NEGR1: variants seen among roughly 807,000 people sequenced by gnomAD.
NEGR1 encodes IgLON family member 4.
In NEGR1, 10 loss-of-function variants were observed where a neutral mutation model predicts 40.9. That is an observed-to-expected ratio of 0.24 (90% CI 0.15 to 0.42). NEGR1 has a LOEUF of 0.42. Among genes scored for constraint, NEGR1 ranks in the 10% least tolerant of loss-of-function variants. The pLI is 1.00. For missense variants in NEGR1, 352 were observed against 438.9 expected (o/e 0.80, Z 1.77); for synonymous variants, 185 against 166.8 (o/e 1.11, Z -0.84).
At chr1:71,825,928 C>G (rs1272455142) in intron 2 of NEGR1, among the ~76,000 whole-genome samples, 1 of 151,834 alleles carries the variant, frequency 6.6e-6, no homozygotes, top group Non-Finnish European at 1.5e-5. Context: ...AGATTGTCTC[C>G]CAAAACACCT....
chr1:72,143,920 T>C (rs945996224), intron 1 of NEGR1, among the ~76,000 whole-genome samples: 1,360 of 105,198 alleles, frequency 0.013, 37 homozygotes, highest in African/African-American at 0.064. Context: ...ATATAATATA[T>C]ATATATATAT....
chr1:71,579,279 GAATT>G (rs1649054000), intron 6 of NEGR1, among the ~76,000 whole-genome samples: 1 of 151,988 alleles, frequency 6.6e-6, no homozygotes, highest in Non-Finnish European at 1.5e-5. Context: ...TCACCCCTAA[GAATT>G]AATTACATTT....
At chr1:71,708,222 A>G (rs1019799821) in intron 3 of NEGR1, among the ~76,000 whole-genome samples, 17 of 152,134 alleles carry the variant, frequency 1.1e-4, no homozygotes, top group Non-Finnish European at 2.2e-4. Context: ...CAGAGGATTC[A>G]ACATAGCTAT....
rs530131972 is a variant in NEGR1 at position 71,828,399 on chromosome 1, G to A, written c.410-52102C>T. 4.6e-5 allele frequency among the ~76,000 whole-genome samples: 7 copies of A among 152,050 alleles called. No individual in the cohort carries two copies. The East Asian group carries it at 1.4e-3, about 30-fold the overall frequency. On this transcript the variant is annotated intron_variant, in intron 2 of 6. Transcript: ENST00000357731. ...ATTAAGGAAAAGGATATAATAAAGA[G>A]AAAATAGCACATGTATTTTAGGTTC...
chr1:72,120,100 A>C (rs1649740740), intron 1 of NEGR1, among the ~76,000 whole-genome samples: 1 of 151,976 alleles, frequency 6.6e-6, no homozygotes. Flanking sequence ...CTCATAGCTA[A>C]CCTATTTTCA....
At chr1:71,500,950 C>A (rs1053852737) in intron 6 of NEGR1, among the ~76,000 whole-genome samples, 1 of 151,854 alleles carries the variant, frequency 6.6e-6, no homozygotes, top group Admixed American at 6.6e-5. Context: ...ATTGACTCCA[C>A]GAATGCAGAA....
intron 2 of NEGR1, among the ~76,000 whole-genome samples, chr1:71,913,176 C>A (rs936567154): frequency 6.6e-6 from 1 of 152,030 alleles, no homozygotes; most frequent in African/African-American, 2.4e-5. Flanking sequence ...AGTGCAGTGG[C>A]GCGATCTCAG....
intron 1 of NEGR1, among the ~76,000 whole-genome samples, chr1:72,152,330 G>A (rs1221722790): frequency 3.3e-5 from 5 of 151,790 alleles, no homozygotes; most frequent in Non-Finnish European, 7.4e-5. Context: ...ACTACACATA[G>A]AATGCTAATG....
At position 71,747,637 on chromosome 1, in the gene NEGR1, C is replaced by G. The variant is rs535532279; in HGVS notation, c.535+28535G>C. On this transcript the variant is annotated intron_variant, in intron 3 of 6. Transcript: ENST00000357731. Reference sequence around the variant, plus strand: ...ATGGGGTTTCACCATGTTGGCCAGTCTGGTCTCAAACTCCTGACCTCAAAT... The same window carrying G: ...ATGGGGTTTCACCATGTTGGCCAGTGTGGTCTCAAACTCCTGACCTCAAAT... 2.0e-5 allele frequency among the ~76,000 whole-genome samples: 3 copies of G among 152,134 alleles called. No individual in the cohort carries two copies. In the South Asian group the frequency reaches 6.2e-4, roughly 32 times the overall value.
intron 1 of NEGR1, among the ~76,000 whole-genome samples, chr1:72,281,552 A>G (rs1220076797): frequency 6.6e-6 from 1 of 152,022 alleles, no homozygotes; most frequent in Non-Finnish European, 1.5e-5. Flanking sequence ...GGGAGTCAAA[A>G]GAGGGAAGAC....
chr1:72,254,078 C>T (rs949825768), intron 1 of NEGR1, among the ~76,000 whole-genome samples: 1 of 152,184 alleles, frequency 6.6e-6, no homozygotes, highest in Non-Finnish European at 1.5e-5. Context: ...TACCTCCTAA[C>T]CCAAATTCTA....
chr1:71,626,621 C>A (rs1019709781), intron 4 of NEGR1, among the ~76,000 whole-genome samples: 1 of 151,910 alleles, frequency 6.6e-6, no homozygotes, highest in Admixed American at 6.6e-5. Flanking sequence ...GCAATGGCAA[C>A]AAAAGCCAAA....
chr1:71,546,772 A>T (rs1007487560), intron 6 of NEGR1, among the ~76,000 whole-genome samples: 1 of 151,686 alleles, frequency 6.6e-6, no homozygotes, highest in Non-Finnish European at 1.5e-5. Context: ...AGTGATTCTT[A>T]TAAAGTATTG....
At chr1:72,226,445 C>G (rs553829262) in intron 1 of NEGR1, among the ~76,000 whole-genome samples, 1 of 152,108 alleles carries the variant, frequency 6.6e-6, no homozygotes, top group Non-Finnish European at 1.5e-5. Context: ...ATCAGTGTCA[C>G]AGGGTATTGA....
At chr1:72,130,787 T>C (rs1182044576) in intron 1 of NEGR1, among the ~76,000 whole-genome samples, 3 of 152,142 alleles carry the variant, frequency 2.0e-5, no homozygotes, top group Admixed American at 6.5e-5. Flanking sequence ...CAATAGAATA[T>C]AAGCTCCATG....
At chr1:71,441,145 C>T (rs1434346699) in intron 6 of NEGR1, among the ~76,000 whole-genome samples, 1 of 152,170 alleles carries the variant, frequency 6.6e-6, no homozygotes, top group African/African-American at 2.4e-5. Context: ...TGCACTTCTT[C>T]CAGGCATAAT....
intron 5 of NEGR1, among the ~76,000 whole-genome samples, chr1:71,597,460 C>CTGTGTGTGTGTG (rs1185213578): frequency 6.3e-4 from 41 of 64,760 alleles, no homozygotes; most frequent in African/African-American, 2.3e-3. Flanking sequence ...CTCTCTCTCT[C>CTGTGTGTGTGTG]TCTCTCTCTC....
chr1:72,210,085 T>C, intron 1 of NEGR1, among the ~76,000 whole-genome samples: 1 of 151,942 alleles, frequency 6.6e-6, no homozygotes, highest in East Asian at 1.9e-4. Context: ...TTTATTTTCT[T>C]TAGTTTTGCA....
intron 1 of NEGR1, among the ~76,000 whole-genome samples, chr1:72,240,397 G>A (rs555478799): frequency 4.0e-5 from 6 of 151,788 alleles, no homozygotes; most frequent in Non-Finnish European, 5.9e-5. Flanking sequence ...TGACTGAAAA[G>A]TTAAATAAGC....
Sources: allele counts gnomAD v4.1 joint callset (sites outside exome capture counted in the v4.1 genomes callset), GRCh38; gene constraint gnomAD v4.1.1; transcripts MANE v1.5; gene names NCBI Gene and HGNC (gene_info 2026-07-23, HGNC 2026-07-21).